Variants in RTF2 observed in about 807,000 individuals in gnomAD.
RTF2 encodes UPF0549 protein C20orf43.
Under a neutral mutation model 38.0 loss-of-function variants are expected in RTF2, and 18 were observed. That is an observed-to-expected ratio of 0.47 (90% confidence interval 0.33 to 0.70). The LOEUF is 0.70. RTF2 is among the 30% of genes least tolerant of loss of function. RTF2 has a pLI of 0.02. For missense variants in RTF2, 311 were observed against 379.6 expected (o/e 0.82, Z 1.50); for synonymous variants, 126 against 137.1 (o/e 0.92, Z 0.57).
intron 4 of RTF2, among the ~76,000 whole-genome samples, chr20:56,482,251 T>C (rs1210872279): frequency 6.6e-6 from 1 of 152,258 alleles, no homozygotes; most frequent in Non-Finnish European, 1.5e-5. Context: ...CTCAGGTCTC[T>C]GATATAAAAT....
chr20:56,484,706 A>G (rs566528671), intron 5 of RTF2, among the ~76,000 whole-genome samples: 2 of 152,332 alleles, frequency 1.3e-5, no homozygotes, highest in South Asian at 2.1e-4. Context: ...AAATGCTCGC[A>G]TGGGTGGCGA....
intron 3 of RTF2, among the ~76,000 whole-genome samples, chr20:56,476,551 G>A (rs910440020): frequency 1.3e-5 from 2 of 150,292 alleles, no homozygotes; most frequent in African/African-American, 4.9e-5. Context: ...CCAGGCTGGA[G>A]TGCAGTGGCA....
chr20:56,477,085 T>TC lies in RTF2; in HGVS notation c.360dup (p.Cys121LeufsTer26). The stretch of plus-strand genomic sequence containing the variant: ...GATGACCTCCAGCGGGCGCGTTTCA[T>TC]CTGCCCCGTTGTGGGCCTGGAGATG... On this transcript the variant is annotated frameshift_variant, in exon 4 of 9. Coordinates refer to ENST00000357348, the MANE Select transcript of RTF2 (RefSeq NM_016407.5). LOFTEE classifies it high-confidence loss of function. The TC allele has an allele frequency of 6.2e-7, 1 of 1,614,036 alleles. No homozygotes were observed. Among genetic ancestry groups the TC allele is most frequent in the East Asian group, 2.2e-5 (1 of 44,870 alleles).
intron 5 of RTF2, among the ~76,000 whole-genome samples, chr20:56,490,291 T>C (rs1411133425): frequency 6.6e-6 from 1 of 152,214 alleles, no homozygotes; most frequent in East Asian, 1.9e-4. Context: ...TTAAATCTCT[T>C]GTATGTTGTG....
chr20:56,506,528 C>G (rs1007796071), intron 5 of RTF2, among the ~76,000 whole-genome samples: 2 of 152,094 alleles, frequency 1.3e-5, no homozygotes, highest in Admixed American at 6.5e-5. Context: ...GACCACTGTT[C>G]CCCTCTTGGC....
intron 5 of RTF2, among the ~76,000 whole-genome samples, chr20:56,499,748 G>GT (rs1392650721): frequency 1.3e-5 from 2 of 148,326 alleles, no homozygotes; most frequent in Admixed American, 6.7e-5. Flanking sequence ...CTTTTATTTT[G>GT]TTTTTTGAGA....
At position 56,513,369 on chromosome 20, in the gene RTF2, G is replaced by A. The variant is rs1032074045; in HGVS notation, c.532G>A (p.Asp178Asn). ...CATCATGCTCAATGGCACCAAGGAG[G>A]ATGTGGACGTGCTGAAGACAAGGAT... is the stretch of plus-strand genomic sequence containing the variant. ...DVIMLNGTKE[D>N]VDVLKTRMEE... Residue 178 changes from aspartate to asparagine, a missense_variant, in exon 6 of 9, where the codon GAT becomes AAT. By Grantham distance (23) the Asp-to-Asn change is conservative (BLOSUM62 1). Transcript: ENST00000357348. 1 of 1,609,434 alleles carries A rather than the reference G, an allele frequency of 6.2e-7. No homozygotes were observed. The highest frequency in any genetic ancestry group is 8.5e-7 in the Non-Finnish European group (1 of 1,178,244).
At chr20:56,483,361 G>A (rs1257541441) in intron 4 of RTF2, among the ~76,000 whole-genome samples, 1 of 148,602 alleles carries the variant, frequency 6.7e-6, no homozygotes, top group Non-Finnish European at 1.5e-5. Context: ...TTTTTAAAGC[G>A]ACAAGCGACA....
chr20:56,510,380 G>C (rs1333906868), intron 5 of RTF2, among the ~76,000 whole-genome samples: 1 of 152,106 alleles, frequency 6.6e-6, no homozygotes, highest in Non-Finnish European at 1.5e-5. Flanking sequence ...CATGATTTCT[G>C]CTTCCCCCAC....
rs1983380450 is a variant in RTF2 at position 56,494,486 on chromosome 20, C to CAAGTGTGT, written c.477+10300_477+10307dup. ...ATTTACTGACTAGTCCTGACAAACC[C>CAAGTGTGT]AAGTGTGTAATGACAGGGAGCCCCT... On this transcript the variant is annotated intron_variant, in intron 5 of 8. Transcript: ENST00000357348. Among the ~76,000 whole-genome samples, 4 of 152,150 alleles carry CAAGTGTGT rather than the reference C, an allele frequency of 2.6e-5. No individual in the cohort carries two copies. In the East Asian group the frequency reaches 7.7e-4, roughly 29 times the overall value.
chr20:56,507,624 G>A (rs1418882199), intron 5 of RTF2, among the ~76,000 whole-genome samples: 1 of 152,166 alleles, frequency 6.6e-6, no homozygotes, highest in Admixed American at 6.5e-5. Context: ...CTAGAGGAAG[G>A]AGACCGCTTA....
At chr20:56,491,913 G>A in intron 5 of RTF2, 2 of 650,792 alleles carry the variant, frequency 3.1e-6, no homozygotes, top group East Asian at 5.5e-5. Context: ...ACATCAAACA[G>A]CATTTCCATG....
At chr20:56,496,036 T>C (rs1983505650) in intron 5 of RTF2, among the ~76,000 whole-genome samples, 1 of 152,202 alleles carries the variant, frequency 6.6e-6, no homozygotes, top group South Asian at 2.1e-4. Context: ...AGATTTATAC[T>C]CAGAATTTTC....
intron 3 of RTF2, 88 bp downstream of exon 3, chr20:56,474,859 T>G (rs1424500399): frequency 2.5e-6 from 2 of 796,532 alleles, no homozygotes; most frequent in Non-Finnish European, 3.9e-6. Flanking sequence ...AAGACTGAAC[T>G]CAGAAATTTG....
intron 1 of RTF2, chr20:56,472,288 A>G (rs1317769005): frequency 8.0e-6 from 9 of 1,119,628 alleles, no homozygotes; most frequent in African/African-American, 4.7e-5. Flanking sequence ...TTCTCTTCCT[A>G]TTTTCTTCCA....
rs1985256352 is a variant in RTF2 at position 56,519,390 on chromosome 20, T to C, written c.*1125T>C. On this transcript the variant is annotated 3_prime_UTR_variant, in exon 9 of 9. Coordinates refer to ENST00000357348, the MANE Select transcript of RTF2 (RefSeq NM_016407.5). ...CGGCTTCACAGTTGATGGGAAGGTT[T>C]GGCCCCAAGGATATTTTGACATTGT... is the stretch of plus-strand genomic sequence containing the variant. 1 of 152,170 alleles carries C rather than the reference T, an allele frequency of 6.6e-6. No homozygotes were observed. 9.4% of individuals were successfully genotyped at this position (152,170 alleles called of 1,614,324 possible).
In RTF2 at chr20:56,512,311, C is replaced by T. The variant is rs528922095; in HGVS notation, c.478-1004C>T. Among the ~76,000 whole-genome samples, 4 of 152,254 alleles carry T rather than the reference C, an allele frequency of 2.6e-5. No homozygotes were observed. In the South Asian group the frequency reaches 6.2e-4, roughly 24 times the overall value. ...TTTCCCTGTTTTTCCTGTCCCCAGC[C>T]GTGAGCACCTCTGCTGTGCTAGGCA... On this transcript the variant is annotated intron_variant, in intron 5 of 8. Transcript: ENST00000357348.
At chr20:56,496,569 C>CA in intron 5 of RTF2, 1 of 1,419,116 alleles carries the variant, frequency 7.0e-7, no homozygotes. Context: ...GTCAATCAAT[C>CA]AATCAATCAA....
At chr20:56,498,680 G>A (rs893412866) in intron 5 of RTF2, among the ~76,000 whole-genome samples, 7 of 152,140 alleles carry the variant, frequency 4.6e-5, no homozygotes, top group Non-Finnish European at 8.8e-5. Context: ...ATTATTACAC[G>A]CAAGGATCAT....
Sources: gnomAD v4.1 joint callset for allele counts (sites outside exome capture counted in the v4.1 genomes callset) on GRCh38, gnomAD v4.1.1 for gene constraint, MANE v1.5 for transcripts, NCBI Gene and HGNC (gene_info 2026-07-23, HGNC 2026-07-21) for gene names.